The following ZC3H12B variants were observed in gnomAD, a reference collection of about 807,000 sequenced individuals.
ZC3H12B encodes the protein probable ribonuclease ZC3H12B.
Under a neutral mutation model 43.9 loss-of-function variants are expected in ZC3H12B, and 7 were observed. That is an observed-to-expected ratio of 0.16 (90% CI 0.09 to 0.30). ZC3H12B has a LOEUF of 0.30. Among genes scored for constraint, ZC3H12B ranks in the 10% least tolerant of loss-of-function variants. The pLI is 1.00. For synonymous variants in ZC3H12B, 222 were observed against 241.7 expected (o/e 0.92, Z 0.76); for missense variants, 475 against 670.2 (o/e 0.71, Z 3.22).
chrX:65,051,284 A>G, the ZC3H12B span, among the ~76,000 whole-genome samples: 1 of 110,854 alleles, frequency 9.0e-6, no homozygotes, highest in Admixed American at 9.6e-5. Flanking sequence ...TTATCTTTTC[A>G]AAAAAGCGCT....
At chrX:65,226,599 G>C in the ZC3H12B span, among the ~76,000 whole-genome samples, 1 of 111,362 alleles carries the variant, frequency 9.0e-6, no homozygotes, top group Non-Finnish European at 1.9e-5. Context: ...ATTGGATAAA[G>C]AGTCAAGACC....
At chrX:65,260,521 G>A in the ZC3H12B span, among the ~76,000 whole-genome samples, 1 of 111,146 alleles carries the variant, frequency 9.0e-6, no homozygotes, top group African/African-American at 3.3e-5. Context: ...TTTGTTAAAT[G>A]CAATTTACCT....
chrX:65,320,616 C>T, the ZC3H12B span, among the ~76,000 whole-genome samples: 1 of 112,218 alleles, frequency 8.9e-6, no homozygotes, highest in African/African-American at 3.2e-5. Context: ...AAGAACAAAG[C>T]TGGAAGCATC....
the ZC3H12B span, among the ~76,000 whole-genome samples, chrX:65,215,426 G>A: frequency 9.0e-6 from 1 of 111,205 alleles, no homozygotes; most frequent in Admixed American, 9.6e-5. Flanking sequence ...GCTTTACCTT[G>A]CACTTTAATC....
At chrX:65,304,809 T>A in the ZC3H12B span, among the ~76,000 whole-genome samples, 1 of 111,358 alleles carries the variant, frequency 9.0e-6, no homozygotes, top group Admixed American at 9.5e-5. Context: ...CATAGAATGA[T>A]CAATAAAGAA....
the ZC3H12B span, among the ~76,000 whole-genome samples, chrX:65,332,182 T>A: frequency 2.7e-5 from 3 of 110,274 alleles, no homozygotes; most frequent in Non-Finnish European, 5.7e-5. Flanking sequence ...ACCCTTAATC[T>A]TAAGGGTTGT....
the ZC3H12B span, among the ~76,000 whole-genome samples, chrX:65,066,114 A>G: frequency 2.7e-5 from 3 of 109,382 alleles, no homozygotes; most frequent in Non-Finnish European, 3.8e-5. Flanking sequence ...GGAGTTTGTT[A>G]TTACCCATCT....
At chrX:65,064,472 TTCTTAA>T in the ZC3H12B span, among the ~76,000 whole-genome samples, 1 of 112,297 alleles carries the variant, frequency 8.9e-6, no homozygotes, top group Non-Finnish European at 1.9e-5. Flanking sequence ...TTGCGTGAGT[TTCTTAA>T]TCTTGAGTTC....
chrX:65,180,010 C>T, the ZC3H12B span, among the ~76,000 whole-genome samples: 7 of 111,471 alleles, frequency 6.3e-5, no homozygotes, highest in Admixed American at 3.8e-4. Context: ...TTTATGAGGC[C>T]GGCATCGTCC....
chrX:65,213,994 T>A, the ZC3H12B span, among the ~76,000 whole-genome samples: 1 of 110,702 alleles, frequency 9.0e-6, no homozygotes, highest in African/African-American at 3.3e-5. Context: ...CAAATAAAAG[T>A]TATGTTTACA....
At chrX:65,353,205 G>A in the ZC3H12B span, among the ~76,000 whole-genome samples, 2 of 111,183 alleles carry the variant, frequency 1.8e-5, no homozygotes, top group Admixed American at 1.9e-4. Context: ...GGGATGCCAT[G>A]GACTGCACCC....
chrX:65,376,690 T>G (rs754945461), intron 2 of ZC3H12B, among the ~76,000 whole-genome samples: 3 of 112,267 alleles, frequency 2.7e-5, no homozygotes, highest in East Asian at 5.6e-4. Context: ...TTTTTGAGTT[T>G]ACAGAAACCA....
chrX:65,340,954 A>C, the ZC3H12B span, among the ~76,000 whole-genome samples: 1 of 112,356 alleles, frequency 8.9e-6, no homozygotes, highest in Non-Finnish European at 1.9e-5. Context: ...GAAGCTAAAA[A>C]TCAAAATAAA....
At chrX:65,077,249 AC>A in the ZC3H12B span, among the ~76,000 whole-genome samples, 2 of 111,751 alleles carry the variant, frequency 1.8e-5, no homozygotes, top group Non-Finnish European at 3.8e-5. Context: ...TCATTGAGCC[AC>A]CTTATCCTGC....
In ZC3H12B at chrX:65,430,042, C is replaced by T. The variant is rs201728454; in HGVS notation, n.407+31338C>T. On this transcript the variant is annotated intron_variant and non_coding_transcript_variant, in intron 3 of 5. Transcript: ENST00000617377. ...CTTGTGAGGTGCCATGGAAAGGGGG[C>T]CTGCAGAATTATGCTGCTTGGCTCC... Among the ~76,000 whole-genome samples, 15 of 112,509 alleles carry T rather than the reference C, an allele frequency of 1.3e-4. No individual in the cohort carries two copies. In the East Asian group the frequency reaches 3.4e-3, roughly 25 times the overall value.
At chrX:65,435,737 A>T (rs2067214215) in intron 3 of ZC3H12B, among the ~76,000 whole-genome samples, 1 of 111,302 alleles carries the variant, frequency 9.0e-6, no homozygotes, top group South Asian at 3.8e-4. Flanking sequence ...TATTATGAAA[A>T]TGGGCTCACA....
chrX:65,480,040 G>A (rs1175768593), intron 3 of ZC3H12B, among the ~76,000 whole-genome samples: 5 of 112,621 alleles, frequency 4.4e-5, no homozygotes, highest in Non-Finnish European at 7.5e-5. Flanking sequence ...TTGGCCTTAT[G>A]TTCCCTACTT....
the ZC3H12B span, among the ~76,000 whole-genome samples, chrX:65,347,980 C>T: frequency 1.8e-5 from 2 of 111,115 alleles, no homozygotes; most frequent in Non-Finnish European, 3.8e-5. Flanking sequence ...AGCAAACTAT[C>T]GCAAAGACCA....
At chrX:65,425,963 G>T (rs890539523) in intron 3 of ZC3H12B, among the ~76,000 whole-genome samples, 1 of 111,213 alleles carries the variant, frequency 9.0e-6, no homozygotes, top group Non-Finnish European at 1.9e-5. Context: ...TCAGGATGAT[G>T]TTGACCTCAT....
Sources: gnomAD v4.1 joint callset for allele counts (sites outside exome capture counted in the v4.1 genomes callset) on GRCh38, gnomAD v4.1.1 for gene constraint, MANE v1.5 for transcripts, NCBI Gene and HGNC (gene_info 2026-07-23, HGNC 2026-07-21) for gene names.